The following PCDHA4 variants were observed in gnomAD, a reference collection of about 807,000 sequenced individuals.
PCDHA4 encodes the protein protocadherin alpha 4, also known as protocadherin alpha-4.
PCDHA4 carries 49 observed loss-of-function variants against 61.4 expected under a neutral mutation model. That is an observed-to-expected ratio of 0.80 (90% CI 0.63 to 1.01). PCDHA4 has a LOEUF of 1.01. PCDHA4 is among the 50% of genes least tolerant of loss of function. PCDHA4 has a pLI of 0.00. For synonymous variants in PCDHA4, 590 were observed against 550.3 expected (o/e 1.07, Z -1.01); for missense variants, 1,254 against 1,235.8 (o/e 1.01, Z -0.22).
chr5:141,010,815 TC>T lies in PCDHA4; in HGVS notation c.*879del, dbSNP rs1159286994. 1.3e-5 allele frequency: 2 copies of T among 153,744 alleles called. No homozygotes were observed. Among genetic ancestry groups the T allele is most frequent in the Admixed American group, 6.5e-5 (1 of 15,280 alleles). 9.5% of individuals were successfully genotyped at this position (153,744 alleles called of 1,614,324 possible). On this transcript the variant is annotated 3_prime_UTR_variant, in exon 4 of 4. Coordinates refer to ENST00000530339, the MANE Select transcript of PCDHA4 (RefSeq NM_018907.4). ...AAAGAAAACCCCGACACCTCACCTT[TC>T]GCTGTTTGTTGTTTCATAGATTTAT...
At chr5:140,967,146 A>G (rs782158011) in intron 1 of PCDHA4, 2 of 1,610,972 alleles carry the variant, frequency 1.2e-6, no homozygotes, top group South Asian at 1.1e-5. Flanking sequence ...CTGGCGCACA[A>G]CCCCGTGGCG....
chr5:140,899,071 C>T (rs1436283947), intron 1 of PCDHA4, among the ~76,000 whole-genome samples: 1 of 152,106 alleles, frequency 6.6e-6, no homozygotes, highest in African/African-American at 2.4e-5. Flanking sequence ...AGTTGCTTAT[C>T]AGCTTAAGGA....
chr5:140,840,105 T>A (rs1418979878), intron 1 of PCDHA4, among the ~76,000 whole-genome samples: 1 of 151,974 alleles, frequency 6.6e-6, no homozygotes, highest in Non-Finnish European at 1.5e-5. Context: ...TTTAGTGAAA[T>A]CGAGTGAAAG....
At chr5:140,975,363 G>T (rs1348174294) in intron 1 of PCDHA4, among the ~76,000 whole-genome samples, 3 of 152,220 alleles carry the variant, frequency 2.0e-5, no homozygotes, top group Non-Finnish European at 2.9e-5. Context: ...GTGCTACATA[G>T]CATAATGTAA....
chr5:140,860,129 G>GTGTGTATATATATGTATATA (rs1554153065), intron 1 of PCDHA4: 1 of 150,592 alleles, frequency 6.6e-6, no homozygotes, highest in Non-Finnish European at 1.5e-5. Context: ...TACTGTGTGT[G>GTGTGTATATATATGTATATA]TGTGTATATA....
intron 1 of PCDHA4, chr5:140,876,840 G>C: frequency 6.2e-7 from 1 of 1,614,166 alleles, no homozygotes; most frequent in Non-Finnish European, 8.5e-7. Flanking sequence ...CTGCGTTCGC[G>C]CAGCCCGAGT....
In PCDHA4 at chr5:140,882,102, C is replaced by A. The variant is rs2058951166; in HGVS notation, c.2385+72530C>A. 1.4e-5 allele frequency: 18 copies of A among 1,308,166 alleles called. No individual in the cohort carries two copies. In the South Asian group the frequency reaches 2.1e-4, roughly 16 times the overall value. 81.0% of individuals were successfully genotyped at this position (1,308,166 alleles called of 1,614,324 possible). On this transcript the variant is annotated intron_variant, in intron 1 of 3. Transcript: ENST00000530339. ...TCGCTCTTCACTGAGAACGTTTCCG[C>A]GAAGAAAGCCGCCGTTTCTTTCTTC...
At chr5:140,915,626 G>GTCTC (rs57920489) in intron 1 of PCDHA4, among the ~76,000 whole-genome samples, 42,931 of 146,342 alleles carry the variant, frequency 0.29, 6,396 homozygotes, top group East Asian at 0.48. Context: ...GTCTCTTTCT[G>GTCTC]TCTCTCTCTC....
intron 1 of PCDHA4, among the ~76,000 whole-genome samples, chr5:140,840,806 T>C (rs2150309377): frequency 1.9e-4 from 29 of 152,226 alleles, no homozygotes; most frequent in Non-Finnish European, 3.5e-4. Flanking sequence ...GAGTAATATA[T>C]ACCAGTGTTT....
rs557916636 is a variant in PCDHA4, at chr5:141,000,518, C to G, written c.2534-9109C>G. The stretch of plus-strand genomic sequence containing the variant: ...TCTCGGCTCACTGCAACCTCCTTCT[C>G]CAGGGTTCAAGTGATTCTCATGCCT... On this transcript the variant is annotated intron_variant, in intron 3 of 3. Transcript: ENST00000530339. Among the ~76,000 whole-genome samples the G allele has an allele frequency of 6.9e-4, 100 of 144,062 alleles. 3 individuals are homozygous for G. In the South Asian group the frequency reaches 0.021, roughly 31 times the overall value. 94.5% of individuals were successfully genotyped at this position (144,062 alleles called of 152,430 possible). A position where few individuals can be genotyped will look rare whatever the true frequency, so the allele number is the denominator to read the frequency against.
At position 140,845,557 on chromosome 5, in the gene PCDHA4, G is replaced by A. The variant is rs1355762380; in HGVS notation, c.2385+35985G>A. Reference sequence around the variant, plus strand: ...TATTCTAATTATGGTGATGCTTTTAGCTATTAAGAATTTCTGGGATTGAAA... The same window carrying A: ...TATTCTAATTATGGTGATGCTTTTAACTATTAAGAATTTCTGGGATTGAAA... On this transcript the variant is annotated intron_variant, in intron 1 of 3. Transcript: ENST00000530339. Among the ~76,000 whole-genome samples, 5 of 149,294 alleles carry A rather than the reference G, an allele frequency of 3.3e-5. 1 individual carries two copies. The highest frequency in any genetic ancestry group is 1.2e-4 in the African/African-American group (5 of 40,778).
intron 1 of PCDHA4, among the ~76,000 whole-genome samples, chr5:140,924,530 C>T (rs1263885513): frequency 6.6e-6 from 1 of 152,002 alleles, no homozygotes; most frequent in Non-Finnish European, 1.5e-5. Context: ...AGAGAATGCC[C>T]GAGCTACCCC....
rs1764498458 is a variant in PCDHA4, at chr5:140,809,563, C to T, written c.2376C>T (p.Ser792=). Residue 792 remains serine (S), a synonymous_variant, in exon 1 of 4, where the codon TCC becomes TCT. Transcript: ENST00000530339. ...REDQLQTTEE[S]FAKPRQPNPD... ...ATCAGCTGCAGACAACTGAGGAATC[C>T]TTTGCAAAGGTTAGTGTATAACATC... 1 of 1,608,252 alleles carries T rather than the reference C, an allele frequency of 6.2e-7. No individual in the cohort carries two copies.
intron 1 of PCDHA4, chr5:140,857,339 T>A (rs2044519052): frequency 1.3e-6 from 2 of 1,597,956 alleles, no homozygotes; most frequent in Non-Finnish European, 1.7e-6. Context: ...GGACGGGGGC[T>A]CGCCTCCGCT....
chr5:140,886,698 C>G (rs578140955), intron 1 of PCDHA4, among the ~76,000 whole-genome samples: 3 of 151,820 alleles, frequency 2.0e-5, no homozygotes, highest in Non-Finnish European at 4.4e-5. Flanking sequence ...TGGTGGCACG[C>G]GCCTGTAATC....
rs371368253 is a variant in PCDHA4, at chr5:140,871,153, G to C, written c.2385+61581G>C. 77 of 1,613,298 alleles carry C rather than the reference G, an allele frequency of 4.8e-5. No homozygotes were observed. The African/African-American group carries it at 9.2e-4, about 19-fold the overall frequency. On this transcript the variant is annotated intron_variant, in intron 1 of 3. Transcript: ENST00000530339. ...AAAGGCCTCTTCCCGGACTTTGGCG[G>C]GCGCCGCGAGCCCAGAGGCTGCGCT...
At chr5:140,872,840 A>G (rs1297929350) in intron 1 of PCDHA4, among the ~76,000 whole-genome samples, 4 of 152,198 alleles carry the variant, frequency 2.6e-5, no homozygotes, top group African/African-American at 9.6e-5. Context: ...AAAAAATTAA[A>G]TATATTAATG....
chr5:140,836,661 T>C (rs2150267176), intron 1 of PCDHA4: 1 of 1,613,416 alleles, frequency 6.2e-7, no homozygotes, highest in Non-Finnish European at 8.5e-7. Context: ...GAGGGTGTGC[T>C]CTGGGGAGGG....
chr5:140,822,315 T>C lies in PCDHA4; in HGVS notation c.2385+12743T>C, dbSNP rs145095373. ...ATCCAAACGAATATTTTGACTTAGA[T>C]GTTAAAACAAATGAAGAAGAAACGA... On this transcript the variant is annotated intron_variant, in intron 1 of 3. Coordinates refer to ENST00000530339, the MANE Select transcript of PCDHA4 (RefSeq NM_018907.4). 1.0e-4 allele frequency: 164 copies of C among 1,614,198 alleles called. No homozygotes were observed. The African/African-American group carries it at 2.0e-3, about 20-fold the overall frequency.
Sources: allele counts gnomAD v4.1 joint callset (sites outside exome capture counted in the v4.1 genomes callset), GRCh38; gene constraint gnomAD v4.1.1; transcripts MANE v1.5; gene names NCBI Gene and HGNC (gene_info 2026-07-23, HGNC 2026-07-21).